The following FNBP1L variants were observed in gnomAD, a reference collection of about 807,000 sequenced individuals.
The protein encoded by FNBP1L is formin binding protein 1 like.
Under a neutral mutation model 91.2 loss-of-function variants are expected in FNBP1L, and 36 were observed. The observed-to-expected ratio is 0.39, with a 90% CI of 0.30 to 0.52. The LOEUF (loss-of-function observed/expected upper bound fraction) is 0.52, where lower values mean the gene tolerates loss of function less well. Among genes scored for constraint, FNBP1L ranks in the 20% least tolerant of loss-of-function variants. FNBP1L has a pLI of 0.66. For missense variants in FNBP1L, 571 were observed against 732.1 expected, an observed-to-expected ratio of 0.78 and a Z score of 2.54; for synonymous variants, 242 against 237.0, an observed-to-expected ratio of 1.02 and a Z score of -0.19.
intron 1 of FNBP1L, among the ~76,000 whole-genome samples, chr1:93,455,532 G>A (rs1387858126): frequency 3.3e-5 from 5 of 152,174 alleles, no homozygotes; most frequent in African/African-American, 7.2e-5. Context: ...CATCCATGGC[G>A]AATACCAATG....
intron 2 of FNBP1L, among the ~76,000 whole-genome samples, chr1:93,508,837 A>G (rs1670719300): frequency 6.6e-6 from 1 of 152,194 alleles, no homozygotes; most frequent in Admixed American, 6.5e-5. Context: ...TTTGAGGGAA[A>G]AATTTAGGGA....
chr1:93,522,327 A>C (rs1286202906), intron 3 of FNBP1L, among the ~76,000 whole-genome samples, 192 bp downstream of exon 3: 1 of 152,116 alleles, frequency 6.6e-6, no homozygotes, highest in African/African-American at 2.4e-5. Context: ...CTTGATCAAC[A>C]GTTTTCTAGA....
chr1:93,549,395 T>C lies in FNBP1L; in HGVS notation c.1620T>C (p.Ile540=). The change falls in exon 15 of 17, where the codon ATT becomes ATC. Residue 540 remains isoleucine, a synonymous_variant. Coordinates refer to ENST00000271234, the MANE Select transcript of FNBP1L (RefSeq NM_001164473.3). The part of the protein sequence containing the change: ...EFEDDDPLPA[I]GHCKAIYPFD... The stretch of plus-strand genomic sequence containing the variant: ...AGGATGATGATCCCTTGCCTGCTAT[T>C]GGACACTGCAAAGCTATCTACCCTT... 6.2e-7 allele frequency: 1 copy of C among 1,609,208 alleles called. No individual in the cohort carries two copies. Among genetic ancestry groups the C allele is most frequent in the Non-Finnish European group, 8.5e-7 (1 of 1,178,356 alleles).
At chr1:93,536,199 C>A in intron 9 of FNBP1L, 133 bp from the exon 10 acceptor site, 1 of 575,338 alleles carries the variant, frequency 1.7e-6, no homozygotes, top group Non-Finnish European at 2.7e-6. Context: ...TGTTTACTTT[C>A]TCATAATATT....
At chr1:93,503,244 G>C (rs1303651456) in intron 2 of FNBP1L, among the ~76,000 whole-genome samples, 1 of 152,096 alleles carries the variant, frequency 6.6e-6, no homozygotes. Context: ...AGTGCCAAGC[G>C]AAGGGGGAAT....
chr1:93,551,147 C>T (rs1389303633), intron 16 of FNBP1L, 42 bp downstream of exon 16: 1 of 1,513,934 alleles, frequency 6.6e-7, no homozygotes, highest in East Asian at 2.3e-5. Context: ...ACCTTTGTGC[C>T]ATGTGTGACA....
chr1:93,449,871 TG>T (rs916464259), intron 1 of FNBP1L, among the ~76,000 whole-genome samples: 3 of 152,148 alleles, frequency 2.0e-5, no homozygotes, highest in African/African-American at 7.2e-5. Context: ...TGAAAGGAAA[TG>T]GGTATAGTTT....
At chr1:93,528,152 A>G (rs1452769837) in intron 5 of FNBP1L, among the ~76,000 whole-genome samples, 1 of 152,162 alleles carries the variant, frequency 6.6e-6, no homozygotes, top group Non-Finnish European at 1.5e-5. Context: ...AACAAAACAT[A>G]GAAAAGGACA....
At chr1:93,501,607 C>CTATCT (rs1557794829) in intron 2 of FNBP1L, among the ~76,000 whole-genome samples, 1 of 152,252 alleles carries the variant, frequency 6.6e-6, no homozygotes, top group East Asian at 1.9e-4. Flanking sequence ...CCATTAGGCC[C>CTATCT]TATCTCCCAA....
chr1:93,541,145 A>G, intron 11 of FNBP1L, 89 bp downstream of exon 11: 1 of 1,254,504 alleles, frequency 8.0e-7, no homozygotes, highest in Non-Finnish European at 1.1e-6. Context: ...GTGGTAAATT[A>G]CATCCCACGT....
chr1:93,462,810 A>G (rs1348610134), intron 1 of FNBP1L, among the ~76,000 whole-genome samples: 2 of 151,786 alleles, frequency 1.3e-5, no homozygotes, highest in African/African-American at 4.8e-5. Flanking sequence ...AGATTTTTCC[A>G]CTGTATTTTT....
At chr1:93,484,406 T>G (rs1354932384) in intron 1 of FNBP1L, among the ~76,000 whole-genome samples, 4 of 152,180 alleles carry the variant, frequency 2.6e-5, no homozygotes, top group Non-Finnish European at 5.9e-5. Context: ...AAATGGAAAG[T>G]GAGCCCAATG....
intron 5 of FNBP1L, among the ~76,000 whole-genome samples, chr1:93,524,581 C>CTTTT (rs34173735): frequency 2.7e-4 from 31 of 113,382 alleles, no homozygotes; most frequent in African/African-American, 4.0e-4. Flanking sequence ...TAAGGAGATT[C>CTTTT]TTTTTTTTTT....
chr1:93,493,535 C>T (rs1291823072), intron 1 of FNBP1L, among the ~76,000 whole-genome samples: 1 of 152,130 alleles, frequency 6.6e-6, no homozygotes, highest in Non-Finnish European at 1.5e-5. Flanking sequence ...CCTTCCTACC[C>T]CTGTTCCCTG....
rs577311457 is a variant in FNBP1L, at chr1:93,552,083, TA to T, written c.1811-325del. On this transcript the variant is annotated intron_variant, in intron 16 of 16. Transcript: ENST00000271234. ...GTGTACCGCCTTTAGGGCATTTTGT[TA>T]TTTCCGCTGAATCATTAGTTATTAG... 65 of 1,087,816 alleles carry T rather than the reference TA, an allele frequency of 6.0e-5. No individual in the cohort carries two copies. In the African/African-American group the frequency reaches 1.1e-3, roughly 18 times the overall value. 67.4% of individuals were successfully genotyped at this position (1,087,816 alleles called of 1,614,324 possible).
chr1:93,505,244 A>G lies in FNBP1L; in HGVS notation c.140+5661A>G, dbSNP rs144656373. Among the ~76,000 whole-genome samples, 255 of 151,830 alleles carry G rather than the reference A, an allele frequency of 1.7e-3. 2 individuals carry two copies. Among genetic ancestry groups the G allele is most frequent in the African/African-American group, 6.0e-3 (250 of 41,380 alleles). On this transcript the variant is annotated intron_variant, in intron 2 of 16. Coordinates refer to ENST00000271234, the MANE Select transcript of FNBP1L (RefSeq NM_001164473.3). ...TGAAATGTTTGTTCCTCGGAGCCGT[A>G]AAGAAATAGCACTTGAACATAAATT...
intron 1 of FNBP1L, among the ~76,000 whole-genome samples, chr1:93,467,502 C>T (rs1669130394): frequency 6.6e-6 from 1 of 152,144 alleles, no homozygotes; most frequent in Non-Finnish European, 1.5e-5. Flanking sequence ...ATGGGGTTAT[C>T]ATTTAATGGG....
At chr1:93,546,819 C>G (rs775529139) in intron 12 of FNBP1L, 23 bp from the exon 13 acceptor site, 1 of 1,609,286 alleles carries the variant, frequency 6.2e-7, no homozygotes, top group Non-Finnish European at 8.5e-7. Flanking sequence ...ATATTTAATT[C>G]TGGGGTTCCT....
At chr1:93,516,763 G>A (rs181627713) in intron 2 of FNBP1L, among the ~76,000 whole-genome samples, 1 of 152,118 alleles carries the variant, frequency 6.6e-6, no homozygotes, top group East Asian at 1.9e-4. Flanking sequence ...TCTATGAAAT[G>A]CTTTTTGCTT....
Sources: gnomAD v4.1 joint callset for allele counts (sites outside exome capture counted in the v4.1 genomes callset) on GRCh38, gnomAD v4.1.1 for gene constraint, MANE v1.5 for transcripts, NCBI Gene and HGNC (gene_info 2026-07-23, HGNC 2026-07-21) for gene names.